SOX5: variants seen among roughly 807,000 people sequenced by gnomAD.
SOX5 encodes transcription factor SOX-5.
In SOX5, 9 loss-of-function variants were observed where a neutral mutation model predicts 92.0. That is an observed-to-expected ratio of 0.10 (90% CI 0.06 to 0.17). The LOEUF (loss-of-function observed/expected upper bound fraction) is 0.17, where lower values mean the gene tolerates loss of function less well. Ranked by LOEUF, SOX5 falls within the 10% of genes least tolerant of loss-of-function variation. The pLI, the probability that SOX5 is intolerant of heterozygous loss-of-function variation, is 1.00. For synonymous variants in SOX5, 344 were observed against 336.3 expected, an observed-to-expected ratio of 1.02 and a Z score of -0.25; for missense variants, 642 against 944.5, an observed-to-expected ratio of 0.68 and a Z score of 4.20.
chr12:24,147,198 A>G (rs1308415463), intron 4 of SOX5, among the ~76,000 whole-genome samples: 1 of 152,208 alleles, frequency 6.6e-6, no homozygotes, highest in Admixed American at 6.5e-5. Flanking sequence ...CCAATGACTC[A>G]TGAACATAGA....
At chr12:23,811,823 T>C (rs1213643247) in intron 3 of SOX5, among the ~76,000 whole-genome samples, 1 of 152,054 alleles carries the variant, frequency 6.6e-6, no homozygotes, top group Non-Finnish European at 1.5e-5. Flanking sequence ...AAGTTCTGAA[T>C]TAGAAGTAGT....
At chr12:24,357,827 C>A (rs1301834292) in intron 2 of SOX5, among the ~76,000 whole-genome samples, 1 of 135,216 alleles carries the variant, frequency 7.4e-6, no homozygotes, top group Non-Finnish European at 1.5e-5. Flanking sequence ...GGTGACAGAG[C>A]GAGACTCCAT....
chr12:24,029,923 T>C (rs1955294843), intron 4 of SOX5, among the ~76,000 whole-genome samples: 1 of 152,050 alleles, frequency 6.6e-6, no homozygotes, highest in African/African-American at 2.4e-5. Context: ...ACCACATCTA[T>C]GTAGCACTTC....
intron 2 of SOX5, among the ~76,000 whole-genome samples, chr12:23,865,809 G>C (rs548128027): frequency 1.3e-4 from 20 of 152,292 alleles, no homozygotes; most frequent in Middle Eastern, 3.4e-3. Flanking sequence ...AAGAACATTC[G>C]TGATGCAAGG....
chr12:23,649,987 A>G (rs2081349980), intron 7 of SOX5, among the ~76,000 whole-genome samples: 1 of 152,078 alleles, frequency 6.6e-6, no homozygotes. Context: ...GTGGAGACTC[A>G]TTCCTTTATT....
intron 4 of SOX5, among the ~76,000 whole-genome samples, chr12:24,171,324 A>T (rs1236002006): frequency 6.7e-6 from 1 of 149,980 alleles, no homozygotes; most frequent in Non-Finnish European, 1.5e-5. Context: ...CCCAGGCTCA[A>T]GCAATTCTCC....
At chr12:24,096,982 C>T (rs1366790559) in intron 4 of SOX5, among the ~76,000 whole-genome samples, 1 of 152,140 alleles carries the variant, frequency 6.6e-6, no homozygotes, top group Non-Finnish European at 1.5e-5. Flanking sequence ...CACCATTTCA[C>T]ATTCCAACCA....
intron 2 of SOX5, among the ~76,000 whole-genome samples, chr12:24,353,653 T>G (rs1401065574): frequency 2.0e-5 from 3 of 152,056 alleles, no homozygotes; most frequent in Non-Finnish European, 4.4e-5. Flanking sequence ...TTCTTTTTTT[T>G]TTAGGGGGAT....
At chr12:23,598,695 G>A (rs1436243851) in intron 9 of SOX5, among the ~76,000 whole-genome samples, 2 of 151,898 alleles carry the variant, frequency 1.3e-5, no homozygotes, top group African/African-American at 2.4e-5. Flanking sequence ...CAACGCACCC[G>A]GCCACTCTTG....
At chr12:23,843,805 C>A (rs1012703585) in intron 3 of SOX5, among the ~76,000 whole-genome samples, 4 of 151,998 alleles carry the variant, frequency 2.6e-5, no homozygotes, top group Non-Finnish European at 4.4e-5. Context: ...CTCAGGTGAT[C>A]CACCTGCCAC....
intron 2 of SOX5, among the ~76,000 whole-genome samples, chr12:23,884,421 T>C (rs2097037388): frequency 6.6e-6 from 1 of 152,156 alleles, no homozygotes; most frequent in African/African-American, 2.4e-5. Context: ...AATAGCCTTT[T>C]AGAATCTCAT....
At chr12:23,863,110 A>T (rs1277226070) in intron 2 of SOX5, among the ~76,000 whole-genome samples, 1 of 152,158 alleles carries the variant, frequency 6.6e-6, no homozygotes, top group Non-Finnish European at 1.5e-5. Flanking sequence ...CCAAACCCTG[A>T]CAATTTGAAT....
At chr12:24,003,768 G>GA (rs199609523) in intron 4 of SOX5, among the ~76,000 whole-genome samples, 2,245 of 117,370 alleles carry the variant, frequency 0.019, 54 homozygotes, top group African/African-American at 0.057. Flanking sequence ...AATGCCAGCA[G>GA]GTTTTTTTTT....
chr12:23,813,096 T>C (rs73263715), intron 3 of SOX5, among the ~76,000 whole-genome samples: 2,072 of 152,304 alleles, frequency 0.014, 44 homozygotes, highest in African/African-American at 0.048. Context: ...TTTTGCCTTA[T>C]GGTTATTTTA....
At chr12:24,305,326 T>A (rs1948447690) in intron 2 of SOX5, among the ~76,000 whole-genome samples, 1 of 152,206 alleles carries the variant, frequency 6.6e-6, no homozygotes, top group African/African-American at 2.4e-5. Flanking sequence ...ATGTCAATCC[T>A]TAGAACTGCA....
At chr12:23,835,031 G>A (rs1326841992) in intron 3 of SOX5, among the ~76,000 whole-genome samples, 1 of 151,792 alleles carries the variant, frequency 6.6e-6, no homozygotes, top group African/African-American at 2.4e-5. Context: ...TTAGCCTAAA[G>A]TTTGAATGAA....
At chr12:23,905,777 T>C (rs772315545) in intron 1 of SOX5, among the ~76,000 whole-genome samples, 2 of 152,168 alleles carry the variant, frequency 1.3e-5, no homozygotes, top group Non-Finnish European at 2.9e-5. Flanking sequence ...CATAATTCTA[T>C]ATTGTTTTGA....
chr12:24,256,222 A>G (rs1311797706), intron 3 of SOX5, among the ~76,000 whole-genome samples: 1 of 152,262 alleles, frequency 6.6e-6, no homozygotes, highest in Non-Finnish European at 1.5e-5. Context: ...GAAAATGTGA[A>G]CGGAATAAAT....
chr12:24,513,240 G>C (rs1190096118), intron 1 of SOX5, among the ~76,000 whole-genome samples: 1 of 152,188 alleles, frequency 6.6e-6, no homozygotes, highest in Non-Finnish European at 1.5e-5. Context: ...CAGTAGGTTA[G>C]GTGTATTAAA....
Sources: allele counts gnomAD v4.1 joint callset (sites outside exome capture counted in the v4.1 genomes callset), GRCh38; gene constraint gnomAD v4.1.1; transcripts MANE v1.5; gene names NCBI Gene and HGNC (gene_info 2026-07-23, HGNC 2026-07-21).